YME1L1: variants seen among roughly 807,000 people sequenced by gnomAD.
YME1L1 encodes the protein ATP-dependent zinc metalloprotease YME1L1.
A neutral mutation model predicts 90.4 loss-of-function variants in YME1L1; 39 were observed. The observed-to-expected ratio is 0.43, with a 90% CI of 0.33 to 0.56. YME1L1 has a LOEUF of 0.56. Ranked by LOEUF, YME1L1 falls within the 20% of genes least tolerant of loss-of-function variation. The probability of loss-of-function intolerance (pLI) is 0.03; values close to 1 mark genes in which losing one functional copy is unlikely to be tolerated. For missense variants in YME1L1, 617 were observed against 868.4 expected, an observed-to-expected ratio of 0.71 and a Z score of 3.64; for synonymous variants, 284 against 287.3, an observed-to-expected ratio of 0.99 and a Z score of 0.12.
At position 27,139,595 on chromosome 10, in the gene YME1L1, A is replaced by G. The variant is rs1588608092; in HGVS notation, c.430+2792T>C. Among the ~76,000 whole-genome samples the G allele has an allele frequency of 4.6e-5, 7 of 152,308 alleles. 1 individual carries two copies. Among genetic ancestry groups the G allele is most frequent in the Non-Finnish European group, 1.0e-4 (7 of 68,018 alleles). ...AGATTCTAGAAGAATGCAGCCATAA[A>G]AATTATCTGAACCTAGTGCCTCTGG... On this transcript the variant is annotated intron_variant, in intron 4 of 18. Transcript: ENST00000376016.
chr10:27,112,519 A>T (rs1001039475), intron 18 of YME1L1, among the ~76,000 whole-genome samples: 1 of 152,200 alleles, frequency 6.6e-6, no homozygotes, highest in Non-Finnish European at 1.5e-5. Context: ...CACAGTAAAC[A>T]GCTGAGCTCA....
chr10:27,147,168 TTCTG>T (rs1564469035), intron 2 of YME1L1: 2 of 558,086 alleles, frequency 3.6e-6, no homozygotes, highest in African/African-American at 3.8e-5. Context: ...ACATGATTAG[TTCTG>T]TCTTATAGAA....
At chr10:27,153,395 G>C (rs529318981) in intron 1 of YME1L1, 3 of 324,706 alleles carry the variant, frequency 9.2e-6, no homozygotes, top group East Asian at 1.7e-4. Flanking sequence ...TAAAAATTAT[G>C]TTTTAAAAAA....
At chr10:27,134,160 T>A in intron 6 of YME1L1, 38 bp from the exon 7 acceptor site, 1 of 1,429,420 alleles carries the variant, frequency 7.0e-7, no homozygotes, top group Non-Finnish European at 9.7e-7. Flanking sequence ...GAAATCACAT[T>A]TATGAAATAT....
At chr10:27,129,755 A>ACCTGT (rs1554805211) in intron 8 of YME1L1, among the ~76,000 whole-genome samples, 4 of 151,882 alleles carry the variant, frequency 2.6e-5, no homozygotes, top group Non-Finnish European at 5.9e-5. Flanking sequence ...ACTCATTTTG[A>ACCTGT]CTTAATATAA....
At chr10:27,133,046 C>T (rs548026669) in intron 7 of YME1L1, among the ~76,000 whole-genome samples, 2 of 152,274 alleles carry the variant, frequency 1.3e-5, no homozygotes, top group South Asian at 2.1e-4. Flanking sequence ...TTAACAAACA[C>T]TTCAATTATT....
intron 17 of YME1L1, 42 bp from the exon 18 acceptor site, chr10:27,114,649 A>G (rs377288439): frequency 8.3e-6 from 12 of 1,445,690 alleles, no homozygotes; most frequent in African/African-American, 1.4e-5. Context: ...GAAAACCCCC[A>G]AACACCAACA....
chr10:27,120,318 A>G (rs1254411706), intron 13 of YME1L1, 117 bp downstream of exon 13: 8 of 703,764 alleles, frequency 1.1e-5, no homozygotes, highest in Non-Finnish European at 1.8e-5. Context: ...GGAAAAAAAA[A>G]AGACAAAAAT....
At chr10:27,149,611 T>C (rs1324908565) in intron 1 of YME1L1, among the ~76,000 whole-genome samples, 1 of 148,048 alleles carries the variant, frequency 6.8e-6, no homozygotes, top group African/African-American at 2.5e-5. Context: ...CTTGGGAGGC[T>C]GTGGTAGAAG....
chr10:27,122,714 C>T (rs1015395504), intron 11 of YME1L1, 127 bp downstream of exon 11: 71 of 1,292,836 alleles, frequency 5.5e-5, no homozygotes, highest in Non-Finnish European at 7.1e-5. Flanking sequence ...GTTTCCTATA[C>T]ACATCACATT....
intron 11 of YME1L1, among the ~76,000 whole-genome samples, chr10:27,121,863 G>A (rs974060294): frequency 6.6e-6 from 1 of 151,404 alleles, no homozygotes; most frequent in African/African-American, 2.4e-5. Flanking sequence ...AGCTTCCTGA[G>A]TAGCCAGGAT....
chr10:27,141,754 C>T (rs1588610337), intron 4 of YME1L1, among the ~76,000 whole-genome samples: 1 of 152,260 alleles, frequency 6.6e-6, no homozygotes, highest in African/African-American at 2.4e-5. Context: ...TTTATTCCAT[C>T]CCATCCCAGT....
chr10:27,136,455 A>C (rs1354861122), intron 4 of YME1L1, 70 bp from the exon 5 acceptor site: 11 of 1,250,460 alleles, frequency 8.8e-6, no homozygotes, highest in African/African-American at 1.5e-5. Context: ...TAAGATTCTA[A>C]AGTCTGACAC....
At position 27,111,035 on chromosome 10, in the gene YME1L1, TA is replaced by T. The variant is rs1471056343; in HGVS notation, c.*941del. 2.6e-5 allele frequency: 4 copies of T among 151,552 alleles called. No homozygotes were observed. The highest frequency in any genetic ancestry group is 9.7e-5 in the African/African-American group (4 of 41,252). The allele number at this position is 151,552 out of a possible 1,614,324, so 9.4% of individuals were successfully genotyped here. On this transcript the variant is annotated 3_prime_UTR_variant, in exon 19 of 19. Transcript: ENST00000376016. ...TCCAGGCATGCACCCCACACCTGGC[TA>T]TTTTTTTTTGTATTTAAATTTATTT...
chr10:27,144,206 A>T (rs2057119089), intron 3 of YME1L1, among the ~76,000 whole-genome samples: 1 of 152,230 alleles, frequency 6.6e-6, no homozygotes, highest in Non-Finnish European at 1.5e-5. Flanking sequence ...TCATAATAAC[A>T]TAGTAACAAA....
intron 12 of YME1L1, among the ~76,000 whole-genome samples, 168 bp from the exon 13 acceptor site, chr10:27,120,715 A>G (rs1349682883): frequency 6.6e-6 from 1 of 152,236 alleles, no homozygotes; most frequent in East Asian, 1.9e-4. Context: ...CTCAAGTAAC[A>G]GTGTCAATAA....
chr10:27,121,510 G>T, intron 11 of YME1L1, 62 bp from the exon 12 acceptor site: 1 of 1,193,492 alleles, frequency 8.4e-7, no homozygotes, highest in Non-Finnish European at 1.2e-6. Flanking sequence ...ATGTAGAAAT[G>T]CTCTACACAA....
intron 15 of YME1L1, 52 bp downstream of exon 15, chr10:27,117,524 C>A: frequency 6.3e-7 from 1 of 1,580,744 alleles, no homozygotes; most frequent in Admixed American, 1.7e-5. Context: ...GCTGAGATCG[C>A]GCCATTGCAC....
At chr10:27,131,117 A>G (rs1449798620) in intron 8 of YME1L1, among the ~76,000 whole-genome samples, 1 of 152,150 alleles carries the variant, frequency 6.6e-6, no homozygotes, top group Admixed American at 6.6e-5. Flanking sequence ...TTTATCTCAA[A>G]TGTCACCTTC....
Sources: gnomAD v4.1 joint callset for allele counts (sites outside exome capture counted in the v4.1 genomes callset) on GRCh38, gnomAD v4.1.1 for gene constraint, MANE v1.5 for transcripts, NCBI Gene and HGNC (gene_info 2026-07-23, HGNC 2026-07-21) for gene names.